Variants in TP63 observed in about 807,000 individuals in gnomAD.
TP63 encodes tumor protein 63.
TP63 carries 17 observed loss-of-function variants against 82.8 expected under a neutral mutation model. The observed-to-expected ratio is 0.21, with a 90% CI of 0.14 to 0.31. The LOEUF (loss-of-function observed/expected upper bound fraction) is 0.31, where lower values mean the gene tolerates loss of function less well. Ranked by LOEUF, TP63 falls within the 10% of genes least tolerant of loss-of-function variation. The pLI is 1.00. For synonymous variants in TP63, 330 were observed against 321.7 expected (o/e 1.03, Z -0.28); for missense variants, 648 against 895.3 (o/e 0.72, Z 3.52).
Position 189,864,218 on chromosome 3 carries a change from C to T in TP63, c.580-14C>T. 2 of 1,614,126 alleles carry T rather than the reference C, an allele frequency of 1.2e-6. No homozygotes were observed. The highest frequency in any genetic ancestry group is 1.7e-6 in the Non-Finnish European group (2 of 1,180,010). ...TCTCTCCTTCCTTTCTCCACTGGCC[C>T]CAACTCTAAGCAGTATTCCACTGAA... On this transcript the variant is annotated splice_polypyrimidine_tract_variant and intron_variant, in intron 4 of 13. Coordinates refer to ENST00000264731, the MANE Select transcript of TP63 (RefSeq NM_003722.5).
intron 1 of TP63, among the ~76,000 whole-genome samples, chr3:189,713,945 G>A (rs1470366030): frequency 6.6e-6 from 1 of 152,058 alleles, no homozygotes; most frequent in Non-Finnish European, 1.5e-5. Context: ...GTTCAGTATG[G>A]AAAGAGTGAT....
chr3:189,779,465 A>G lies in TP63; in HGVS notation c.325-28807A>G, dbSNP rs1252704939. On this transcript the variant is annotated intron_variant, in intron 3 of 13. Coordinates refer to ENST00000264731, the MANE Select transcript of TP63 (RefSeq NM_003722.5). Reference sequence around the variant, plus strand: ...TAACAGTAGGAAGCTCAGAAGACCAACATGTAGGGAAAAAAGCTGCAAAGA... The same window carrying G: ...TAACAGTAGGAAGCTCAGAAGACCAGCATGTAGGGAAAAAAGCTGCAAAGA... 3.3e-5 allele frequency among the ~76,000 whole-genome samples: 5 copies of G among 152,304 alleles called. No individual in the cohort carries two copies. The East Asian group carries it at 9.6e-4, about 29-fold the overall frequency.
intron 4 of TP63, among the ~76,000 whole-genome samples, chr3:189,814,363 T>C (rs1727927739): frequency 1.3e-5 from 2 of 152,216 alleles, no homozygotes; most frequent in Admixed American, 6.5e-5. Flanking sequence ...CTGAGTCTCA[T>C]CTGGGGCTTG....
chr3:189,765,314 C>T (rs1252174290), intron 3 of TP63, among the ~76,000 whole-genome samples: 1 of 151,530 alleles, frequency 6.6e-6, no homozygotes, highest in Non-Finnish European at 1.5e-5. Context: ...TTGTTTTTTT[C>T]CCCCCTGAGA....
intron 1 of TP63, among the ~76,000 whole-genome samples, chr3:189,727,197 TA>T (rs1410241762): frequency 6.6e-6 from 1 of 152,238 alleles, no homozygotes; most frequent in Non-Finnish European, 1.5e-5. Flanking sequence ...CCCAATCACT[TA>T]CATGTATGTC....
At chr3:189,849,113 G>A (rs1715311198) in intron 4 of TP63, among the ~76,000 whole-genome samples, 1 of 152,186 alleles carries the variant, frequency 6.6e-6, no homozygotes, top group Non-Finnish European at 1.5e-5. Flanking sequence ...AAAACATGTG[G>A]AGAGTTTTAG....
At chr3:189,747,978 A>G (rs1247714089) in intron 3 of TP63, among the ~76,000 whole-genome samples, 1 of 152,086 alleles carries the variant, frequency 6.6e-6, no homozygotes, top group African/African-American at 2.4e-5. Context: ...GTTCCTGGAC[A>G]TATTGCAACC....
At chr3:189,774,055 T>C (rs1723584315) in intron 3 of TP63, among the ~76,000 whole-genome samples, 1 of 151,514 alleles carries the variant, frequency 6.6e-6, no homozygotes, top group Admixed American at 6.6e-5. Flanking sequence ...CCTGAGTAGC[T>C]GGGACTACAG....
chr3:189,769,987 A>G (rs1723214663), intron 3 of TP63, among the ~76,000 whole-genome samples: 1 of 152,244 alleles, frequency 6.6e-6, no homozygotes, highest in Non-Finnish European at 1.5e-5. Context: ...TACCAGGGTT[A>G]CAACTTCATG....
chr3:189,842,643 TCAGCA>T (rs1211849846), intron 4 of TP63, among the ~76,000 whole-genome samples: 1 of 152,188 alleles, frequency 6.6e-6, no homozygotes, highest in African/African-American at 2.4e-5. Flanking sequence ...AGGCCTTTAA[TCAGCA>T]CTGAGAAGAG....
At chr3:189,682,430 A>T (rs2108694839) in intron 1 of TP63, among the ~76,000 whole-genome samples, 1 of 150,300 alleles carries the variant, frequency 6.7e-6, no homozygotes, top group South Asian at 2.1e-4. Context: ...GCTACCTTAA[A>T]AGTGTTACAT....
chr3:189,682,536 GAAAAAAAAA>G (rs375284237), intron 1 of TP63, among the ~76,000 whole-genome samples: 345 of 19,104 alleles, frequency 0.018, 1 homozygote, highest in African/African-American at 0.026. Context: ...GTCCTAAGGG[GAAAAAAAAA>G]AAAAAAAAAT....
At chr3:189,828,906 G>A (rs1172531397) in intron 4 of TP63, among the ~76,000 whole-genome samples, 2 of 152,086 alleles carry the variant, frequency 1.3e-5, no homozygotes, top group Non-Finnish European at 2.9e-5. Context: ...TGTTTTGAGC[G>A]TAATGAAATG....
At chr3:189,848,914 TG>T (rs1400401881) in intron 4 of TP63, among the ~76,000 whole-genome samples, 1 of 152,196 alleles carries the variant, frequency 6.6e-6, no homozygotes, top group Non-Finnish European at 1.5e-5. Flanking sequence ...GGGTTCAGAA[TG>T]GGGGTCTGGT....
intron 10 of TP63, chr3:189,881,058 A>T (rs1370753153): frequency 9.1e-6 from 9 of 985,286 alleles, no homozygotes; most frequent in Non-Finnish European, 1.1e-5. Context: ...TCAAAATAGA[A>T]TTTGAAGCCC....
At chr3:189,718,735 C>T (rs538745257) in intron 1 of TP63, among the ~76,000 whole-genome samples, 2 of 151,784 alleles carry the variant, frequency 1.3e-5, no homozygotes, top group African/African-American at 4.8e-5. Flanking sequence ...TTAAGTTAGC[C>T]AACTAATATA....
intron 4 of TP63, among the ~76,000 whole-genome samples, chr3:189,857,770 G>A (rs1051848687): frequency 6.6e-6 from 1 of 152,026 alleles, no homozygotes; most frequent in African/African-American, 2.4e-5. Flanking sequence ...CACTAATCAG[G>A]GAAATGCAAA....
chr3:189,764,683 G>C (rs1370889888), intron 3 of TP63, among the ~76,000 whole-genome samples: 1 of 152,070 alleles, frequency 6.6e-6, no homozygotes, highest in Non-Finnish European at 1.5e-5. Flanking sequence ...AAAAAAAATA[G>C]TTCTAACTTC....
At chr3:189,825,491 A>G (rs1296129756) in intron 4 of TP63, among the ~76,000 whole-genome samples, 8 of 152,234 alleles carry the variant, frequency 5.3e-5, no homozygotes, top group African/African-American at 1.7e-4. Flanking sequence ...AATTTATGCA[A>G]AGAATAAAAG....
Sources: allele counts gnomAD v4.1 joint callset (sites outside exome capture counted in the v4.1 genomes callset), GRCh38; gene constraint gnomAD v4.1.1; transcripts MANE v1.5; gene names NCBI Gene and HGNC (gene_info 2026-07-23, HGNC 2026-07-21).